Variants in RASGRF1 observed in about 807,000 individuals in gnomAD.
RASGRF1 encodes the protein Ras protein specific guanine nucleotide releasing factor 1, also known as ras-specific guanine nucleotide-releasing factor 1.
A neutral mutation model predicts 138.7 loss-of-function variants in RASGRF1; 40 were observed. The ratio of observed to expected loss-of-function variants is 0.29; its 90% CI spans 0.22 to 0.38. RASGRF1 has a LOEUF of 0.38. Among genes scored for constraint, RASGRF1 ranks in the 10% least tolerant of loss-of-function variants. The probability of loss-of-function intolerance (pLI) is 1.00; values close to 1 mark genes in which losing one functional copy is unlikely to be tolerated. For synonymous variants in RASGRF1, 614 were observed against 663.2 expected, an observed-to-expected ratio of 0.93 and a Z score of 1.14; for missense variants, 1,108 against 1,650.4, an observed-to-expected ratio of 0.67 and a Z score of 5.69.
chr15:78,992,448 G>C (rs2056291032), intron 20 of RASGRF1, among the ~76,000 whole-genome samples: 1 of 152,356 alleles, frequency 6.6e-6, no homozygotes, highest in East Asian at 1.9e-4. Context: ...GACAGTGGTG[G>C]CCACGGCAGG....
At chr15:78,984,794 G>A (rs374372342) in intron 23 of RASGRF1, 2 of 584,536 alleles carry the variant, frequency 3.4e-6, no homozygotes, top group East Asian at 2.9e-5. Flanking sequence ...TTACTCAAGT[G>A]GGGATTACAG....
intron 8 of RASGRF1, among the ~76,000 whole-genome samples, chr15:79,031,113 T>C (rs1461824886): frequency 6.6e-6 from 1 of 152,186 alleles, no homozygotes; most frequent in Non-Finnish European, 1.5e-5. Context: ...CTGGGAGTCA[T>C]GGACAGTCCC....
chr15:78,983,691 G>C (rs2141632912), intron 23 of RASGRF1, among the ~76,000 whole-genome samples: 2 of 152,352 alleles, frequency 1.3e-5, no homozygotes, highest in East Asian at 3.9e-4. Flanking sequence ...TGGGTGACTT[G>C]GAGGTTTTGC....
chr15:79,049,442 T>C, intron 4 of RASGRF1, 54 bp downstream of exon 4: 1 of 1,537,478 alleles, frequency 6.5e-7, no homozygotes, highest in South Asian at 1.1e-5. Context: ...AACCCTGGGC[T>C]GGCTCTCTAA....
At chr15:79,026,386 C>T (rs1480321781) in intron 9 of RASGRF1, among the ~76,000 whole-genome samples, 2 of 152,234 alleles carry the variant, frequency 1.3e-5, no homozygotes, top group Non-Finnish European at 2.9e-5. Context: ...TCGTGACTCT[C>T]TTGGTCCTGC....
chr15:79,012,406 T>C (rs979335710), intron 13 of RASGRF1: 12 of 987,590 alleles, frequency 1.2e-5, no homozygotes, highest in Non-Finnish European at 1.7e-5. Flanking sequence ...TTTTACAGCA[T>C]GCACTACACT....
intron 18 of RASGRF1, 36 bp downstream of exon 18, chr15:78,998,683 T>C (rs1446549880): frequency 1.3e-6 from 2 of 1,541,594 alleles, no homozygotes; most frequent in Non-Finnish European, 1.8e-6. Context: ...TGCCTGGTGG[T>C]CCCCAGCAGC....
At chr15:78,998,923 G>A (rs1402771780) in intron 17 of RASGRF1, 98 bp from the exon 18 acceptor site, 1 of 864,542 alleles carries the variant, frequency 1.2e-6, no homozygotes, top group African/African-American at 1.6e-5. Flanking sequence ...GGCTGAGCTG[G>A]GGTGAGTGAG....
At chr15:78,986,189 A>G (rs2056152798) in intron 22 of RASGRF1, among the ~76,000 whole-genome samples, 1 of 152,150 alleles carries the variant, frequency 6.6e-6, no homozygotes, top group Admixed American at 6.6e-5. Flanking sequence ...CTGGCCAAAC[A>G]TGACACACAC....
At chr15:79,065,876 T>C (rs1055302807) in intron 1 of RASGRF1, among the ~76,000 whole-genome samples, 1 of 148,160 alleles carries the variant, frequency 6.7e-6, no homozygotes, top group Non-Finnish European at 1.5e-5. Context: ...TTGTTAATTG[T>C]CAGTCTAGGT....
Position 78,960,863 on chromosome 15 carries a change from A to G in RASGRF1, c.*1281T>C, listed in dbSNP as rs1427094800. The G allele has an allele frequency of 6.6e-6, 1 of 152,188 alleles. No homozygotes were observed. Among genetic ancestry groups the G allele is most frequent in the Admixed American group, 6.5e-5 (1 of 15,284 alleles). 9.4% of individuals were successfully genotyped at this position (152,188 alleles called of 1,614,324 possible). ...CTGGGTAAGGAGCAAGTGCTCATCA[A>G]ATATTCCTTGACTGAACGAATGAAA... On this transcript the variant is annotated 3_prime_UTR_variant, in exon 27 of 27. Coordinates refer to ENST00000558480, the MANE Select transcript of RASGRF1 (RefSeq NM_001145648.3).
chr15:79,035,580 C>T (rs914719109), intron 5 of RASGRF1, among the ~76,000 whole-genome samples: 1 of 152,236 alleles, frequency 6.6e-6, no homozygotes, highest in African/African-American at 2.4e-5. Context: ...ACCCCCTCCC[C>T]CAAGGTATCT....
intron 5 of RASGRF1, among the ~76,000 whole-genome samples, chr15:79,040,295 G>C (rs2057279871): frequency 1.3e-5 from 2 of 152,014 alleles, no homozygotes; most frequent in South Asian, 4.1e-4. Context: ...TCTTCTGTCT[G>C]TTGCATCTGC....
intron 3 of RASGRF1, among the ~76,000 whole-genome samples, chr15:79,057,617 G>A (rs1418967526): frequency 6.6e-6 from 1 of 152,180 alleles, no homozygotes; most frequent in Non-Finnish European, 1.5e-5. Context: ...GCTGGTGAGG[G>A]GCATCTAAGG....
chr15:79,065,833 C>T (rs2057672636), intron 1 of RASGRF1, among the ~76,000 whole-genome samples: 1 of 151,166 alleles, frequency 6.6e-6, no homozygotes, highest in African/African-American at 2.4e-5. Flanking sequence ...AGTGTGTAAA[C>T]TAATTTTAGC....
intron 4 of RASGRF1, among the ~76,000 whole-genome samples, chr15:79,047,856 C>T (rs775639421): frequency 2.6e-5 from 4 of 152,178 alleles, no homozygotes; most frequent in Non-Finnish European, 5.9e-5. Flanking sequence ...GGTGCTCATA[C>T]AGTATTCTTC....
intron 1 of RASGRF1, among the ~76,000 whole-genome samples, chr15:79,070,293 C>T (rs1193727053): frequency 6.6e-6 from 1 of 152,200 alleles, no homozygotes; most frequent in Non-Finnish European, 1.5e-5. Flanking sequence ...CACTCTCCAC[C>T]TAGCCCCTAC....
intron 10 of RASGRF1, 44 bp from the exon 11 acceptor site, chr15:79,020,148 A>G (rs2056940377): frequency 6.3e-7 from 1 of 1,593,256 alleles, no homozygotes; most frequent in Non-Finnish European, 8.6e-7. Context: ...AGGGGTAGAT[A>G]TGCTGGTTTA....
intron 13 of RASGRF1, among the ~76,000 whole-genome samples, chr15:79,011,762 A>G (rs79059908): frequency 0.081 from 12,317 of 152,296 alleles, 734 homozygotes; most frequent in Middle Eastern, 0.15. Flanking sequence ...CTGTGTCAGC[A>G]GGATGCAGGC....
Sources: gnomAD v4.1 joint callset for allele counts (sites outside exome capture counted in the v4.1 genomes callset) on GRCh38, gnomAD v4.1.1 for gene constraint, MANE v1.5 for transcripts, NCBI Gene and HGNC (gene_info 2026-07-23, HGNC 2026-07-21) for gene names.